The following CARS1 variants were observed in gnomAD, a reference collection of about 807,000 sequenced individuals.
CARS1 encodes cysteinyl-tRNA synthetase 1, also known as cysteine--tRNA ligase, cytoplasmic.
A neutral mutation model predicts 106.2 loss-of-function variants in CARS1; 48 were observed. The observed-to-expected ratio is 0.45, with a 90% CI of 0.36 to 0.57. CARS1 has a LOEUF of 0.57. CARS1 is among the 20% of genes least tolerant of loss of function. The pLI, the probability that CARS1 is intolerant of heterozygous loss-of-function variation, is 0.00. For missense variants in CARS1, 968 were observed against 1,057.2 expected (o/e 0.92, Z 1.17); for synonymous variants, 409 against 403.4 (o/e 1.01, Z -0.17).
Position 3,029,221 on chromosome 11 carries a change from G to C in CARS1, c.942+82C>G. ...TCAATGTTGACTTGGCCGCTTAATTGAGCTGGCCTTGCCAAAACAGGAATT... is the reference window on the plus strand; with the variant it reads ...TCAATGTTGACTTGGCCGCTTAATTCAGCTGGCCTTGCCAAAACAGGAATT... On this transcript the variant is annotated intron_variant, in intron 8 of 22. Transcript: ENST00000380525. The surrounding 1 kb of genome is among the most constrained non-coding windows in gnomAD (Gnocchi z 5.9). The C allele has an allele frequency of 6.5e-7, 1 of 1,533,204 alleles. No homozygotes were observed. Among genetic ancestry groups the C allele is most frequent in the Non-Finnish European group, 9.0e-7 (1 of 1,110,074 alleles). The allele number at this position is 1,533,204 out of a possible 1,614,324, so 95.0% of individuals were successfully genotyped here. A position where few individuals can be genotyped will look rare whatever the true frequency, so the allele number is the denominator to read the frequency against.
At position 3,048,906 on chromosome 11, in the gene CARS1, G is replaced by A. The variant is rs1011988100; in HGVS notation, c.26-905C>T. 2.0e-5 allele frequency among the ~76,000 whole-genome samples: 3 copies of A among 152,162 alleles called. No individual in the cohort carries two copies. Among genetic ancestry groups the A allele is most frequent in the Admixed American group, 1.3e-4 (2 of 15,276 alleles). On this transcript the variant is annotated intron_variant, in intron 1 of 22. Transcript: ENST00000380525. This position sits in a 1 kb window ranked among gnomAD's most constrained non-coding sequence, Gnocchi z 5.1. ...AAGCGTGCACCTCCACCACTCAGGT[G>A]TGTCACTCAAGGACCCAAGAGCCAC... is the stretch of plus-strand genomic sequence containing the variant.
At chr11:3,005,494 C>CTGGCCCCG in intron 19 of CARS1, 61 bp from the exon 20 acceptor site, 1 of 1,325,534 alleles carries the variant, frequency 7.5e-7, no homozygotes, top group Non-Finnish European at 1.1e-6. Flanking sequence ...CACTGCGGGG[C>CTGGCCCCG]CAGCCCTGCC....
rs1851713953 is a variant in CARS1, at chr11:3,022,976, A to C, written c.1154-2644T>G. Among the ~76,000 whole-genome samples, 1 of 152,074 alleles carries C rather than the reference A, an allele frequency of 6.6e-6. No individual in the cohort carries two copies. The highest frequency in any genetic ancestry group is 1.5e-5 in the Non-Finnish European group (1 of 68,010). ...GGTGGTCATGTGCCCACGTCTGATC[A>C]CTGACTGTGGAGGGGTGGAAATCCA... is the stretch of plus-strand genomic sequence containing the variant. On this transcript the variant is annotated intron_variant, in intron 10 of 22. Transcript: ENST00000380525. This position sits in a 1 kb window ranked among gnomAD's most constrained non-coding sequence, Gnocchi z 4.9.
intron 18 of CARS1, among the ~76,000 whole-genome samples, chr11:3,010,381 C>T (rs1367836274): frequency 6.6e-6 from 1 of 152,252 alleles, no homozygotes; most frequent in African/African-American, 2.4e-5. Context: ...TCTTCCCAAG[C>T]CCACGACCCC....
At chr11:3,015,622 T>C (rs1850908685) in intron 17 of CARS1, among the ~76,000 whole-genome samples, 159 bp downstream of exon 17, 1 of 152,128 alleles carries the variant, frequency 6.6e-6, no homozygotes, top group Non-Finnish European at 1.5e-5. Context: ...TGACCACACT[T>C]AGCACTCTCA....
In CARS1 at chr11:3,003,368, T is replaced by C. The variant is rs551898977; in HGVS notation, c.2218-768A>G. ...AGCTATCAGGTAGGCACGCCCTCCA[T>C]GGCAGGAAGGAGGAACAAGTTTGGG... On this transcript the variant is annotated intron_variant, in intron 20 of 22. Transcript: ENST00000380525. This position sits in a 1 kb window ranked among gnomAD's most constrained non-coding sequence, Gnocchi z 4.8. Among the ~76,000 whole-genome samples, 1 of 152,132 alleles carries C rather than the reference T, an allele frequency of 6.6e-6. No homozygotes were observed. The highest frequency in any genetic ancestry group is 1.5e-5 in the Non-Finnish European group (1 of 68,032).
At position 3,053,824 on chromosome 11, in the gene CARS1, C is replaced by A. The variant is rs1855921418; in HGVS notation, c.25+3519G>T. Among the ~76,000 whole-genome samples the A allele has an allele frequency of 6.6e-6, 1 of 152,288 alleles. No individual in the cohort carries two copies. Among genetic ancestry groups the A allele is most frequent in the African/African-American group, 2.4e-5 (1 of 41,562 alleles). On this transcript the variant is annotated intron_variant, in intron 1 of 22. Coordinates refer to ENST00000380525, the MANE Select transcript of CARS1 (RefSeq NM_001014437.3). The surrounding 1 kb of genome is among the most constrained non-coding windows in gnomAD (Gnocchi z 6.6). ...ATAAGTGCCCCGGTTTGGTGGGGGT[C>A]TGCACCCCTCACTCACCCTGACCCT... is the stretch of plus-strand genomic sequence containing the variant.
intron 10 of CARS1, among the ~76,000 whole-genome samples, chr11:3,024,112 C>T (rs908380517): frequency 2.0e-5 from 3 of 152,076 alleles, no homozygotes; most frequent in Admixed American, 2.0e-4. Flanking sequence ...AGGCTGGTCT[C>T]GAACTCCTGA....
At position 3,040,837 on chromosome 11, in the gene CARS1, T is replaced by A; in HGVS notation, c.455+59A>T. 8.9e-6 allele frequency: 14 copies of A among 1,578,236 alleles called. No homozygotes were observed. Among genetic ancestry groups the A allele is most frequent in the Non-Finnish European group, 1.2e-5 (14 of 1,157,306 alleles). ...CTAAGATCGCTGCTGTGGATCCCAATGGCTCTGACTTCTGCGTGCAACTGC... is the reference window on the plus strand; with the variant it reads ...CTAAGATCGCTGCTGTGGATCCCAAAGGCTCTGACTTCTGCGTGCAACTGC... On this transcript the variant is annotated intron_variant, in intron 4 of 22. Transcript: ENST00000380525. This position sits in a 1 kb window ranked among gnomAD's most constrained non-coding sequence, Gnocchi z 5.8.
rs139896054 is a variant in CARS1, at chr11:3,037,485, G to A, written c.801+565C>T. ...CAGGCGGCGCTGGCACAAAGGAGAA[G>A]GCCTTCCTGACTGTGTCCAGGGCGC... On this transcript the variant is annotated intron_variant, in intron 7 of 22. Transcript: ENST00000380525. The surrounding 1 kb of genome is among the most constrained non-coding windows in gnomAD (Gnocchi z 5.9). 6.3e-3 allele frequency among the ~76,000 whole-genome samples: 961 copies of A among 152,326 alleles called. 7 individuals are homozygous for A. The highest frequency in any genetic ancestry group is 0.021 in the African/African-American group (865 of 41,574).
At position 3,017,794 on chromosome 11, in the gene CARS1, A is replaced by ACT. The variant is rs1851191514; in HGVS notation, c.1727+62_1727+63insAG. 9 of 1,081,600 alleles carry ACT rather than the reference A, an allele frequency of 8.3e-6. No individual in the cohort carries two copies. Among genetic ancestry groups the ACT allele is most frequent in the Non-Finnish European group, 1.3e-5 (9 of 698,600 alleles). The allele number at this position is 1,081,600 out of a possible 1,614,324, so 67.0% of individuals were successfully genotyped here. On this transcript the variant is annotated intron_variant, in intron 15 of 22. Transcript: ENST00000380525. This position sits in a 1 kb window ranked among gnomAD's most constrained non-coding sequence, Gnocchi z 4.9. ...CAGTCCAGGACACATGGTGGCCAAG[A>ACT]TGCGAGGCTAGGCATAGAACATGGG...
rs1055164381 is a variant in CARS1 at position 3,043,227 on chromosome 11, C to A, written c.275-971G>T. 2.6e-5 allele frequency among the ~76,000 whole-genome samples: 4 copies of A among 152,072 alleles called. No homozygotes were observed. The highest frequency in any genetic ancestry group is 4.8e-5 in the African/African-American group (2 of 41,408). On this transcript the variant is annotated intron_variant, in intron 2 of 22. Transcript: ENST00000380525. The surrounding 1 kb of genome is among the most constrained non-coding windows in gnomAD (Gnocchi z 4.0). The stretch of plus-strand genomic sequence containing the variant: ...TGGCACAAGGCTGTCCTTACACAAC[C>A]TGCATCTGAGATCCCTGAAGGGGCA...
At position 3,050,137 on chromosome 11, in the gene CARS1, C is replaced by T. The variant is rs75954479; in HGVS notation, c.26-2136G>A. Among the ~76,000 whole-genome samples the T allele has an allele frequency of 0.018, 2,742 of 152,286 alleles. 23 individuals carry two copies. The highest frequency in any genetic ancestry group is 0.041 in the Middle Eastern group (12 of 294). On this transcript the variant is annotated intron_variant, in intron 1 of 22. Coordinates refer to ENST00000380525, the MANE Select transcript of CARS1 (RefSeq NM_001014437.3). The surrounding 1 kb of genome is among the most constrained non-coding windows in gnomAD (Gnocchi z 6.3). Reference sequence around the variant, plus strand: ...AAGATGTCCTGAAGCCACCTCTTCTCTGCAGTAAAGGGGTGGGCACTCTGT... The same window carrying T: ...AAGATGTCCTGAAGCCACCTCTTCTTTGCAGTAAAGGGGTGGGCACTCTGT...
Position 3,029,163 on chromosome 11 carries a change from A to C in CARS1, c.943-79T>G. 7.0e-7 allele frequency: 1 copy of C among 1,434,000 alleles called. No individual in the cohort carries two copies. The highest frequency in any genetic ancestry group is 1.7e-5 in the Admixed American group (1 of 58,542). 88.8% of individuals were successfully genotyped at this position (1,434,000 alleles called of 1,614,324 possible). On this transcript the variant is annotated intron_variant, in intron 8 of 22. Coordinates refer to ENST00000380525, the MANE Select transcript of CARS1 (RefSeq NM_001014437.3). This position sits in a 1 kb window ranked among gnomAD's most constrained non-coding sequence, Gnocchi z 5.9. The stretch of plus-strand genomic sequence containing the variant: ...CCATAAAAACGTTCCCAATTCATAA[A>C]ACGAAAAGCCCATTATGCCCCTCAA...
At chr11:3,016,265 G>A (rs1406436549) in intron 16 of CARS1, among the ~76,000 whole-genome samples, 1 of 150,964 alleles carries the variant, frequency 6.6e-6, no homozygotes, top group Non-Finnish European at 1.5e-5. Context: ...CTGTCGCCCA[G>A]GCTGGAGTGC....
In CARS1 at chr11:3,021,265, T is replaced by C. The variant is rs921553593; in HGVS notation, c.1154-933A>G. Among the ~76,000 whole-genome samples the C allele has an allele frequency of 6.6e-6, 1 of 152,250 alleles. No individual in the cohort carries two copies. Among genetic ancestry groups the C allele is most frequent in the East Asian group, 1.9e-4 (1 of 5,198 alleles). ...ACGCAGAGAATCACCCTTTGTTCGA[T>C]GAATGGGCAGAGCAGAGGTCTTCAC... On this transcript the variant is annotated intron_variant, in intron 10 of 22. Coordinates refer to ENST00000380525, the MANE Select transcript of CARS1 (RefSeq NM_001014437.3). This position sits in a 1 kb window ranked among gnomAD's most constrained non-coding sequence, Gnocchi z 5.3.
chr11:3,057,270 C>A, intron 1 of CARS1, 73 bp downstream of exon 1: 3 of 1,333,268 alleles, frequency 2.3e-6, no homozygotes, highest in Non-Finnish European at 1.1e-6. Context: ...GGACTCGCTG[C>A]CCTTCGAGCC....
In CARS1 at chr11:3,018,646, A is replaced by T. The variant is rs1167206526; in HGVS notation, c.1499T>A (p.Ile500Asn). The change falls in exon 13 of 23, where the codon ATT (isoleucine) becomes AAT (asparagine). Residue 500 changes from isoleucine to asparagine, a missense_variant. Physicochemically the swap from Ile to Asn is moderately radical, Grantham distance 149. Transcript: ENST00000380525. ...TGAGTGCTTTTTCAAGGCATCTTTA[A>T]TGGTGATGAAGTTTTTTAGTGACTT... ...MSKSLKNFIT[I>N]KDALKKHSAR... 6.2e-7 allele frequency: 1 copy of T among 1,614,204 alleles called. No individual in the cohort carries two copies.
chr11:3,048,421 G>C lies in CARS1; in HGVS notation c.26-420C>G, dbSNP rs1441397018. 1 of 161,758 alleles carries C rather than the reference G, an allele frequency of 6.2e-6. No homozygotes were observed. 10.0% of individuals were successfully genotyped at this position (161,758 alleles called of 1,614,324 possible). ...TTACACAGTTCAGTTTCTGACATTT[G>C]GGGAAATCATAGGGGTCAGCACATC... On this transcript the variant is annotated intron_variant, in intron 1 of 22. Transcript: ENST00000380525. This position sits in a 1 kb window ranked among gnomAD's most constrained non-coding sequence, Gnocchi z 5.1.
Sources: allele counts gnomAD v4.1 joint callset (sites outside exome capture counted in the v4.1 genomes callset), GRCh38; gene constraint gnomAD v4.1.1; non-coding constraint Gnocchi (gnomAD v3.1); transcripts MANE v1.5; gene names NCBI Gene and HGNC (gene_info 2026-07-23, HGNC 2026-07-21).